Variants in NLN observed in about 807,000 individuals in gnomAD.
NLN encodes the protein neurolysin, also known as neurolysin, mitochondrial.
NLN carries 64 observed loss-of-function variants against 79.9 expected under a neutral mutation model. That is an observed-to-expected ratio of 0.80 (90% CI 0.65 to 0.99). The LOEUF (loss-of-function observed/expected upper bound fraction) is 0.99, where lower values mean the gene tolerates loss of function less well. Ranked by LOEUF, NLN falls within the 50% of genes least tolerant of loss-of-function variation. NLN has a pLI of 0.00. For missense variants in NLN, 835 were observed against 858.7 expected (o/e 0.97, Z 0.34); for synonymous variants, 267 against 296.6 (o/e 0.90, Z 1.02).
intron 6 of NLN, among the ~76,000 whole-genome samples, chr5:65,782,110 G>T (rs1324064661): frequency 6.6e-5 from 10 of 152,210 alleles, no homozygotes. Flanking sequence ...TCAGGAACTG[G>T]GAAGATTCTG....
In NLN at chr5:65,799,974, G is replaced by A. The variant is rs75789186; in HGVS notation, c.1527+7319G>A. Reference sequence around the variant, plus strand: ...CTTCTCCATCATCCCTGGATTTAGGGATAGATTAGACAGGCCAGGATGTGG... The same window carrying A: ...CTTCTCCATCATCCCTGGATTTAGGAATAGATTAGACAGGCCAGGATGTGG... On this transcript the variant is annotated intron_variant, in intron 9 of 12. Transcript: ENST00000380985. Among the ~76,000 whole-genome samples, 47 of 152,276 alleles carry A rather than the reference G, an allele frequency of 3.1e-4. No homozygotes were observed. The East Asian group carries it at 8.7e-3, about 28-fold the overall frequency.
rs904517827 is a variant in NLN at position 65,762,652 on chromosome 5, G to A, written c.302-308G>A. On this transcript the variant is annotated intron_variant, in intron 2 of 12. Transcript: ENST00000380985. Reference sequence around the variant, plus strand: ...TGGGAGGTTGAGGCTGTAGTGAGCTGTGATTGCACCACTGCACTCCAGCCT... The same window carrying A: ...TGGGAGGTTGAGGCTGTAGTGAGCTATGATTGCACCACTGCACTCCAGCCT... 2.6e-5 allele frequency among the ~76,000 whole-genome samples: 4 copies of A among 151,444 alleles called. No individual in the cohort carries two copies. The East Asian group carries it at 5.8e-4, about 22-fold the overall frequency.
chr5:65,770,050 T>C (rs773881254), intron 3 of NLN, among the ~76,000 whole-genome samples: 1 of 152,194 alleles, frequency 6.6e-6, no homozygotes, highest in African/African-American at 2.4e-5. Context: ...GACAACCAAC[T>C]GAAAAGCAAT....
chr5:65,799,310 A>G (rs1760232741), intron 9 of NLN, among the ~76,000 whole-genome samples: 1 of 152,252 alleles, frequency 6.6e-6, no homozygotes, highest in African/African-American at 2.4e-5. Flanking sequence ...GCTTGAGGAC[A>G]TGAAGTGCAA....
chr5:65,749,147 A>AT (rs1210804066), intron 1 of NLN, among the ~76,000 whole-genome samples: 1 of 152,188 alleles, frequency 6.6e-6, no homozygotes, highest in Non-Finnish European at 1.5e-5. Context: ...TGAGTCCGTT[A>AT]TACCTCTTTT....
Position 65,809,541 on chromosome 5 carries a change from A to C in NLN, c.1554A>C (p.Thr518=). ...CTGATTTTGCACGATTTAGCGGAAC[A>C]AATGTGGAAACTGACTTTGTAGAGG... ...AQTDFARFSG[T]NVETDFVEVP... Residue 518 remains threonine (T), a synonymous_variant, in exon 10 of 13, where the codon ACA becomes ACC. Transcript: ENST00000380985. 1 of 1,605,650 alleles carries C rather than the reference A, an allele frequency of 6.2e-7. No individual in the cohort carries two copies.
At chr5:65,815,731 T>C (rs1176929119) in intron 12 of NLN, among the ~76,000 whole-genome samples, 8 of 152,080 alleles carry the variant, frequency 5.3e-5, no homozygotes, top group Admixed American at 4.6e-4. Flanking sequence ...TGTTCCCTCC[T>C]ACAATATACT....
chr5:65,785,095 T>A (rs1283276981), intron 6 of NLN, among the ~76,000 whole-genome samples: 3 of 152,222 alleles, frequency 2.0e-5, no homozygotes, highest in Non-Finnish European at 4.4e-5. Context: ...TTGGGTTGCT[T>A]CCATCTTTTG....
In NLN at chr5:65,825,923, GATTAAAATTTAC is replaced by G. The variant is rs1386107002; in HGVS notation, c.*3029_*3040del. ...ATTCATTTTCTATCATACACAGGTG[GATTAAAATTTAC>G]ATTAAAATTTACATTAAAATACCAT... On this transcript the variant is annotated 3_prime_UTR_variant, in exon 13 of 13. Coordinates refer to ENST00000380985, the MANE Select transcript of NLN (RefSeq NM_020726.5). 24 of 152,248 alleles carry G rather than the reference GATTAAAATTTAC, an allele frequency of 1.6e-4. No homozygotes were observed. Among genetic ancestry groups the G allele is most frequent in the South Asian group, 2.1e-4 (1 of 4,822 alleles). 9.4% of individuals were successfully genotyped at this position (152,248 alleles called of 1,614,324 possible).
At chr5:65,816,075 G>A (rs1009054073) in intron 12 of NLN, among the ~76,000 whole-genome samples, 4 of 152,024 alleles carry the variant, frequency 2.6e-5, no homozygotes, top group African/African-American at 7.2e-5. Context: ...TGTATACCAC[G>A]GAATACAGTG....
intron 9 of NLN, among the ~76,000 whole-genome samples, chr5:65,804,528 T>C (rs1303685833): frequency 6.6e-6 from 1 of 152,196 alleles, no homozygotes. Context: ...TCTCACAATA[T>C]TTCACTTTTT....
chr5:65,788,971 CA>C (rs112683530), intron 8 of NLN, among the ~76,000 whole-genome samples: 4,512 of 138,156 alleles, frequency 0.033, 207 homozygotes, highest in African/African-American at 0.11. Context: ...GACCCTGTCT[CA>C]AAAAAAAAAA....
intron 12 of NLN, among the ~76,000 whole-genome samples, chr5:65,821,970 G>A (rs752214623): frequency 6.6e-5 from 10 of 152,126 alleles, no homozygotes; most frequent in Non-Finnish European, 1.3e-4. Context: ...GTGATATAAT[G>A]GATATAAATT....
At chr5:65,736,911 G>T (rs1758739654) in intron 1 of NLN, among the ~76,000 whole-genome samples, 1 of 151,948 alleles carries the variant, frequency 6.6e-6, no homozygotes. Flanking sequence ...CACCTGCCTG[G>T]GCTATATAGG....
At chr5:65,743,811 A>G (rs1418309469) in intron 1 of NLN, among the ~76,000 whole-genome samples, 1 of 152,222 alleles carries the variant, frequency 6.6e-6, no homozygotes, top group Non-Finnish European at 1.5e-5. Context: ...TGGTTTATTT[A>G]TGAAAGTCAC....
At position 65,810,119 on chromosome 5, in the gene NLN, A is replaced by G; in HGVS notation, c.1797A>G (p.Glu599=). 6.2e-7 allele frequency: 1 copy of G among 1,613,936 alleles called. No individual in the cohort carries two copies. The highest frequency in any genetic ancestry group is 8.5e-7 in the Non-Finnish European group (1 of 1,179,790). ...HTNTSLDAAS[E]YAKYCSEILG... is the part of the protein sequence containing the mutation. ...ACACATCGCTGGATGCTGCAAGTGA[A>G]TATGCCAAATACTGCTCAGAAATAT... is the stretch of plus-strand genomic sequence containing the variant. Residue 599 remains glutamate (E), a synonymous_variant, in exon 11 of 13, where the codon GAA becomes GAG. Coordinates refer to ENST00000380985, the MANE Select transcript of NLN (RefSeq NM_020726.5).
rs2150748674 is a variant in NLN, at chr5:65,763,651, C to T, written c.450+543C>T. On this transcript the variant is annotated intron_variant, in intron 3 of 12. Transcript: ENST00000380985. ...GCTTTCAATTTTTATTTTCATGACA[C>T]TTCAGCAATTTTTTTGGGGAAAAAA... Among the ~76,000 whole-genome samples the T allele has an allele frequency of 1.3e-5, 2 of 151,664 alleles. 1 individual carries two copies. The highest frequency in any genetic ancestry group is 6.8e-3 in the Middle Eastern group (2 of 294).
intron 6 of NLN, among the ~76,000 whole-genome samples, chr5:65,784,602 C>T (rs977714758): frequency 2.0e-5 from 3 of 152,166 alleles, no homozygotes; most frequent in Non-Finnish European, 4.4e-5. Flanking sequence ...TTATAAGGCA[C>T]TAATTCATTG....
intron 12 of NLN, among the ~76,000 whole-genome samples, chr5:65,814,145 T>C (rs1247126543): frequency 6.6e-6 from 1 of 152,142 alleles, no homozygotes; most frequent in Non-Finnish European, 1.5e-5. Flanking sequence ...AATTTCTTGG[T>C]ATAAGAAGTC....
Sources: allele counts gnomAD v4.1 joint callset (sites outside exome capture counted in the v4.1 genomes callset), GRCh38; gene constraint gnomAD v4.1.1; transcripts MANE v1.5; gene names NCBI Gene and HGNC (gene_info 2026-07-23, HGNC 2026-07-21).